GRIA3: variants seen among roughly 807,000 people sequenced by gnomAD.
GRIA3 encodes the protein glutamate receptor 3.
GRIA3 carries 3 observed loss-of-function variants against 63.0 expected under a neutral mutation model. The ratio of observed to expected loss-of-function variants is 0.05; its 90% CI spans 0.02 to 0.12. GRIA3 has a LOEUF of 0.12. Among genes scored for constraint, GRIA3 ranks in the 10% least tolerant of loss-of-function variants. The pLI is 1.00. For missense variants in GRIA3, 347 were observed against 700.9 expected (o/e 0.50, Z 5.70); for synonymous variants, 274 against 257.9 (o/e 1.06, Z -0.60).
intron 5 of GRIA3, among the ~76,000 whole-genome samples, chrX:123,360,833 CCT>C (rs1157595220): frequency 2.5e-4 from 17 of 67,698 alleles, no homozygotes; most frequent in South Asian, 8.4e-4. Context: ...TTCCTTCCCT[CCT>C]CTCTCTCTCT....
intron 2 of GRIA3, among the ~76,000 whole-genome samples, chrX:123,193,788 T>C (rs1198770713): frequency 8.9e-6 from 1 of 111,795 alleles, no homozygotes; most frequent in African/African-American, 3.3e-5. Flanking sequence ...TAAATCCTTA[T>C]CAGTCATTAA....
chrX:123,465,844 CTG>C (rs1230116245), intron 13 of GRIA3: 50 of 814,185 alleles, frequency 6.1e-5, no homozygotes, highest in Non-Finnish European at 9.0e-5. Flanking sequence ...ATCGGCAAGA[CTG>C]TTATCTTATT....
chrX:123,192,717 G>C (rs1278232030), intron 2 of GRIA3, among the ~76,000 whole-genome samples: 2 of 111,638 alleles, frequency 1.8e-5, no homozygotes, highest in African/African-American at 6.5e-5. Context: ...AGGGTGCAGG[G>C]GAGCAAGGAT....
At chrX:123,340,933 GT>G (rs964390063) in intron 4 of GRIA3, among the ~76,000 whole-genome samples, 5 of 112,011 alleles carry the variant, frequency 4.5e-5, no homozygotes, top group Non-Finnish European at 3.8e-5. Context: ...AGAGCTTTTT[GT>G]TTGTTTATTT....
chrX:123,292,447 C>T lies in GRIA3; in HGVS notation c.509-33579C>T, dbSNP rs1044704342. ...AATCTCATCCTACTTGCTGACTAGT[C>T]GGTACAAAGGACTTCTTCTAACCTA... On this transcript the variant is annotated intron_variant, in intron 3 of 15. Transcript: ENST00000620443. Among the ~76,000 whole-genome samples the T allele has an allele frequency of 1.4e-4, 16 of 110,590 alleles. 1 individual carries two copies. The highest frequency in any genetic ancestry group is 2.9e-4 in the Admixed American group (3 of 10,357).
intron 4 of GRIA3, among the ~76,000 whole-genome samples, chrX:123,339,423 G>A (rs1211936905): frequency 1.8e-5 from 2 of 111,967 alleles, no homozygotes; most frequent in East Asian, 5.6e-4. Context: ...CCTGGATAAG[G>A]ACTAGTAAAG....
intron 12 of GRIA3, among the ~76,000 whole-genome samples, chrX:123,461,767 C>T (rs947412847): frequency 9.1e-6 from 1 of 110,462 alleles, no homozygotes. Context: ...ATAGTCTAGA[C>T]AAAACAACGA....
intron 4 of GRIA3, among the ~76,000 whole-genome samples, chrX:123,330,489 A>T (rs2044933962): frequency 8.9e-6 from 1 of 112,201 alleles, no homozygotes; most frequent in Non-Finnish European, 1.9e-5. Context: ...TATCAGGTTA[A>T]ATCTTAAAAC....
At chrX:123,262,927 A>G (rs1247491758) in intron 3 of GRIA3, among the ~76,000 whole-genome samples, 1 of 111,301 alleles carries the variant, frequency 9.0e-6, no homozygotes, top group Non-Finnish European at 1.9e-5. Flanking sequence ...AATGCTCCCA[A>G]ACGTCACAGC....
chrX:123,366,919 C>G (rs1052477827), intron 5 of GRIA3, among the ~76,000 whole-genome samples: 10 of 111,630 alleles, frequency 9.0e-5, no homozygotes, highest in Non-Finnish European at 1.9e-4. Context: ...TTTACAGACT[C>G]TAAAGCCTCA....
chrX:123,385,249 A>G (rs898966355), intron 5 of GRIA3, among the ~76,000 whole-genome samples: 1 of 112,172 alleles, frequency 8.9e-6, no homozygotes, highest in African/African-American at 3.2e-5. Context: ...CACTTATTGA[A>G]TAGGGTATCC....
chrX:123,271,689 G>A (rs1182866664), intron 3 of GRIA3, among the ~76,000 whole-genome samples: 1 of 112,216 alleles, frequency 8.9e-6, no homozygotes, highest in East Asian at 2.8e-4. Context: ...CCTATTAAAT[G>A]CATCATTTCC....
At position 123,401,361 on chromosome X, in the gene GRIA3, T is replaced by A. The variant is rs188416391; in HGVS notation, c.1081-1633T>A. On this transcript the variant is annotated intron_variant, in intron 7 of 15. Transcript: ENST00000620443. ...TTAAAGCCCTAGCTATTTTCACTAA[T>A]GAAGGCTTTCCTTAATAAGTTCCTA... Among the ~76,000 whole-genome samples the A allele has an allele frequency of 2.0e-3, 222 of 112,115 alleles. 2 individuals are homozygous for A. Among genetic ancestry groups the A allele is most frequent in the African/African-American group, 7.0e-3 (215 of 30,934 alleles).
chrX:123,481,554 C>T (rs1026343303), intron 14 of GRIA3, among the ~76,000 whole-genome samples: 1 of 112,018 alleles, frequency 8.9e-6, no homozygotes, highest in Non-Finnish European at 1.9e-5. Context: ...TGTTAAGTGT[C>T]AGCAATGGCC....
At chrX:123,313,928 G>T (rs2044814623) in intron 3 of GRIA3, among the ~76,000 whole-genome samples, 1 of 111,404 alleles carries the variant, frequency 9.0e-6, no homozygotes, top group Non-Finnish European at 1.9e-5. Flanking sequence ...TAGTCACTAG[G>T]TTCCATGTGG....
At chrX:123,289,336 T>C (rs1054431874) in intron 3 of GRIA3, among the ~76,000 whole-genome samples, 12 of 109,587 alleles carry the variant, frequency 1.1e-4, no homozygotes, top group African/African-American at 4.0e-4. Flanking sequence ...AGTTGATGAG[T>C]GCAGCAAATC....
At chrX:123,266,495 G>A (rs868654329) in intron 3 of GRIA3, among the ~76,000 whole-genome samples, 34 of 111,022 alleles carry the variant, frequency 3.1e-4, no homozygotes, top group African/African-American at 1.0e-3. Flanking sequence ...CTTCGTCTAC[G>A]TTTCCACTGC....
chrX:123,225,642 C>CA (rs1556226189), intron 2 of GRIA3, among the ~76,000 whole-genome samples: 1 of 70,165 alleles, frequency 1.4e-5, no homozygotes, highest in African/African-American at 6.9e-5. Flanking sequence ...AATCCAAAGA[C>CA]TTTTTTTCTA....
rs1279415837 is a variant in GRIA3, at chrX:123,470,738, T to G, written c.2324+5626T>G. ...CTTCCATGTATGTCTACAATTCTCC[T>G]CTCCTATGCCACCGTCTCTTAACCA... On this transcript the variant is annotated intron_variant, in intron 13 of 15. Transcript: ENST00000620443. Among the ~76,000 whole-genome samples the G allele has an allele frequency of 3.6e-5, 4 of 111,984 alleles. No individual in the cohort carries two copies. In the South Asian group the frequency reaches 1.5e-3, roughly 42 times the overall value.
Sources: allele counts gnomAD v4.1 joint callset (sites outside exome capture counted in the v4.1 genomes callset), GRCh38; gene constraint gnomAD v4.1.1; transcripts MANE v1.5; gene names NCBI Gene and HGNC (gene_info 2026-07-23, HGNC 2026-07-21).